The following DOK5 variants were observed in gnomAD, a reference collection of about 807,000 sequenced individuals.
The protein encoded by DOK5 is downstream of tyrosine kinase 5.
DOK5 carries 27 observed loss-of-function variants against 43.3 expected under a neutral mutation model. That is an observed-to-expected ratio of 0.62 (90% confidence interval 0.46 to 0.86). DOK5 has a LOEUF of 0.86. Ranked by LOEUF, DOK5 falls within the 40% of genes least tolerant of loss-of-function variation. The pLI, the probability that DOK5 is intolerant of heterozygous loss-of-function variation, is 0.00. For synonymous variants in DOK5, 146 were observed against 140.1 expected (o/e 1.04, Z -0.30); for missense variants, 373 against 392.9 (o/e 0.95, Z 0.43).
intron 6 of DOK5, among the ~76,000 whole-genome samples, chr20:54,617,224 C>T (rs116837677): frequency 0.033 from 5,092 of 152,302 alleles, 313 homozygotes; most frequent in African/African-American, 0.12. Flanking sequence ...ACCTTGCCAG[C>T]ACAGCCACAT....
intron 2 of DOK5, among the ~76,000 whole-genome samples, chr20:54,573,384 G>T (rs1159209361): frequency 3.3e-5 from 5 of 152,050 alleles, no homozygotes; most frequent in African/African-American, 1.2e-4. Flanking sequence ...AATAAAGCTG[G>T]GCTTTTAAGA....
chr20:54,647,350 C>A (rs750656887), intron 7 of DOK5, among the ~76,000 whole-genome samples: 2 of 151,778 alleles, frequency 1.3e-5, no homozygotes, highest in Non-Finnish European at 2.9e-5. Flanking sequence ...ACTAAAAATA[C>A]AAAAATTAGC....
chr20:54,568,790 T>C (rs1055097879), intron 2 of DOK5, among the ~76,000 whole-genome samples: 4 of 151,444 alleles, frequency 2.6e-5, no homozygotes, highest in Admixed American at 2.6e-4. Context: ...ATTAGCCGGG[T>C]GTGGTGGCGG....
chr20:54,644,716 A>ACAAACAAAC lies in DOK5; in HGVS notation c.856+1138_856+1139insCAAACAAAC, dbSNP rs1030730479. On this transcript the variant is annotated intron_variant, in intron 7 of 7. Transcript: ENST00000262593. ...GAGAGACTCCGTCTCAAAAAAAAAA[A>ACAAACAAAC]AAAAAAAACAAAATTTAGCTGGGCG... Among the ~76,000 whole-genome samples the ACAAACAAAC allele has an allele frequency of 5.7e-3, 841 of 148,366 alleles. 12 individuals are homozygous for ACAAACAAAC. Among genetic ancestry groups the ACAAACAAAC allele is most frequent in the African/African-American group, 0.02 (788 of 39,664 alleles).
At chr20:54,478,329 G>A (rs1981519442) in intron 1 of DOK5, among the ~76,000 whole-genome samples, 1 of 152,192 alleles carries the variant, frequency 6.6e-6, no homozygotes, top group Non-Finnish European at 1.5e-5. Flanking sequence ...TATGTCCACA[G>A]TAAGGAATGT....
At chr20:54,533,334 G>A (rs987777769) in intron 1 of DOK5, among the ~76,000 whole-genome samples, 3 of 152,188 alleles carry the variant, frequency 2.0e-5, no homozygotes, top group African/African-American at 7.2e-5. Context: ...ATTGCTGTAA[G>A]CATAAAGGAA....
At position 54,475,866 on chromosome 20, in the gene DOK5, T is replaced by C; in HGVS notation, c.-81T>C. 2 of 1,561,588 alleles carry C rather than the reference T, an allele frequency of 1.3e-6. No individual in the cohort carries two copies. Among genetic ancestry groups the C allele is most frequent in the Non-Finnish European group, 1.7e-6 (2 of 1,144,386 alleles). ...CCAACTTTCTCCCACCGACTGCTTG[T>C]CTTGACCCTGCCCTCCACCCTCCCC... On this transcript the variant is annotated 5_prime_UTR_variant, in exon 1 of 8. Transcript: ENST00000262593. This position sits in a 1 kb window ranked among gnomAD's most constrained non-coding sequence, Gnocchi z 4.2.
rs188745983 is a variant in DOK5 at position 54,519,622 on chromosome 20, A to G, written c.67-35311A>G. Among the ~76,000 whole-genome samples the G allele has an allele frequency of 1.2e-4, 18 of 152,292 alleles. No homozygotes were observed. The East Asian group carries it at 3.3e-3, about 28-fold the overall frequency. On this transcript the variant is annotated intron_variant, in intron 1 of 7. Transcript: ENST00000262593. ...TAAGGCTTATATTCATTTTTTTCAA[A>G]TAACTAGCTTGTATTTTTAAACAAA... is the stretch of plus-strand genomic sequence containing the variant.
At position 54,490,488 on chromosome 20, in the gene DOK5, T is replaced by C. The variant is rs1982121669; in HGVS notation, c.66+14476T>C. Among the ~76,000 whole-genome samples, 3 of 152,226 alleles carry C rather than the reference T, an allele frequency of 2.0e-5. 1 individual carries two copies. The South Asian group carries it at 6.2e-4, about 31-fold the overall frequency. ...GTGGCAGGAGTGGGAGGGTAGGGGATGATGTGAATCTTTGTACTGAGTGCT... is the reference window on the plus strand; with the variant it reads ...GTGGCAGGAGTGGGAGGGTAGGGGACGATGTGAATCTTTGTACTGAGTGCT... On this transcript the variant is annotated intron_variant, in intron 1 of 7. Transcript: ENST00000262593.
At chr20:54,546,584 T>C (rs1007978749) in intron 1 of DOK5, among the ~76,000 whole-genome samples, 2 of 145,506 alleles carry the variant, frequency 1.4e-5, no homozygotes, top group Non-Finnish European at 3.0e-5. Flanking sequence ...GTGTGTGATG[T>C]TCCCCACCTT....
At chr20:54,511,936 A>G (rs1221872747) in intron 1 of DOK5, among the ~76,000 whole-genome samples, 6 of 152,230 alleles carry the variant, frequency 3.9e-5, no homozygotes, top group Admixed American at 6.5e-5. Flanking sequence ...CATGTCCACC[A>G]TTGAATGAAT....
At chr20:54,594,454 GT>G (rs956820305) in intron 5 of DOK5, among the ~76,000 whole-genome samples, 26 of 152,194 alleles carry the variant, frequency 1.7e-4, no homozygotes, top group Middle Eastern at 3.4e-3. Context: ...TTTTGGTAAG[GT>G]TGGTATATTT....
intron 1 of DOK5, among the ~76,000 whole-genome samples, chr20:54,478,873 A>G (rs1366342826): frequency 6.6e-6 from 1 of 152,218 alleles, no homozygotes; most frequent in African/African-American, 2.4e-5. Flanking sequence ...GTAGACGGAT[A>G]TAGGAATTAT....
intron 1 of DOK5, among the ~76,000 whole-genome samples, chr20:54,550,370 C>G (rs945913120): frequency 1.3e-5 from 2 of 152,180 alleles, no homozygotes; most frequent in African/African-American, 4.8e-5. Flanking sequence ...ATCCTATACC[C>G]TCTACTCAGT....
intron 1 of DOK5, among the ~76,000 whole-genome samples, chr20:54,553,344 C>T (rs1437206609): frequency 3.3e-5 from 5 of 152,016 alleles, no homozygotes; most frequent in African/African-American, 7.2e-5. Context: ...GGCAGGTGCC[C>T]GCCACCATGC....
At chr20:54,544,403 C>G (rs562603319) in intron 1 of DOK5, among the ~76,000 whole-genome samples, 1 of 152,256 alleles carries the variant, frequency 6.6e-6, no homozygotes, top group South Asian at 2.1e-4. Flanking sequence ...TTTTTGTAGT[C>G]TTCAAGCACC....
intron 6 of DOK5, among the ~76,000 whole-genome samples, chr20:54,628,789 G>A (rs547437338): frequency 6.6e-6 from 1 of 152,258 alleles, no homozygotes; most frequent in South Asian, 2.1e-4. Flanking sequence ...CATACAAGAT[G>A]CATTTGTGAG....
chr20:54,518,909 T>C (rs535447718), intron 1 of DOK5, among the ~76,000 whole-genome samples: 22 of 152,286 alleles, frequency 1.4e-4, no homozygotes, highest in African/African-American at 5.1e-4. Flanking sequence ...GAACAGACAC[T>C]TCTGAAAGGA....
At chr20:54,624,011 A>G (rs1987067063) in intron 6 of DOK5, among the ~76,000 whole-genome samples, 1 of 152,244 alleles carries the variant, frequency 6.6e-6, no homozygotes, top group Non-Finnish European at 1.5e-5. Context: ...TTGTTTCCTT[A>G]AGACCCTGAT....
Sources: allele counts gnomAD v4.1 joint callset (sites outside exome capture counted in the v4.1 genomes callset), GRCh38; gene constraint gnomAD v4.1.1; non-coding constraint Gnocchi (gnomAD v3.1); transcripts MANE v1.5; gene names NCBI Gene and HGNC (gene_info 2026-07-23, HGNC 2026-07-21).